The following BCAR1 variants were observed in gnomAD, a reference collection of about 807,000 sequenced individuals.
The protein encoded by BCAR1 is breast cancer anti-estrogen resistance protein 1.
A neutral mutation model predicts 67.6 loss-of-function variants in BCAR1; 30 were observed. The observed-to-expected ratio is 0.44, with a 90% confidence interval of 0.33 to 0.60. BCAR1 has a LOEUF of 0.60. Ranked by LOEUF, BCAR1 falls within the 20% of genes least tolerant of loss-of-function variation. BCAR1 has a pLI of 0.02. For missense variants in BCAR1, 1,313 were observed against 1,222.3 expected (o/e 1.07, Z -1.11); for synonymous variants, 626 against 556.7 (o/e 1.12, Z -1.75).
chr16:75,233,731 G>T, intron 6 of BCAR1, 115 bp downstream of exon 6: 1 of 1,074,162 alleles, frequency 9.3e-7, no homozygotes, highest in Non-Finnish European at 1.3e-6. Flanking sequence ...CCAGCTCTGA[G>T]CACTGTCAGA....
intron 1 of BCAR1, chr16:75,263,415 C>T (rs1009164716): frequency 4.1e-6 from 4 of 985,410 alleles, no homozygotes; most frequent in Non-Finnish European, 4.8e-6. Context: ...ATGGGAATAC[C>T]CACAGGGTGT....
chr16:75,253,814 C>A (rs2077725818), upstream of BCAR1, among the ~76,000 whole-genome samples: 1 of 152,166 alleles, frequency 6.6e-6, no homozygotes, highest in South Asian at 2.1e-4. Flanking sequence ...CACCCCACCC[C>A]CAGTCCAGCC....
chr16:75,261,147 C>T (rs2077900889), intron 1 of BCAR1, among the ~76,000 whole-genome samples: 1 of 152,216 alleles, frequency 6.6e-6, no homozygotes, highest in Admixed American at 6.5e-5. Flanking sequence ...GTCCCCAGAA[C>T]TCTTTTTCCT....
At chr16:75,255,809 T>C (rs551775304), upstream of BCAR1, among the ~76,000 whole-genome samples, 5 of 151,756 alleles carry the variant, frequency 3.3e-5, no homozygotes, top group South Asian at 8.3e-4. Context: ...CTGACCAACA[T>C]GGTGAAACCC....
rs773594754 is a variant in BCAR1, at chr16:75,235,483, G to A, written c.1416C>T (p.Ala472=). Reference sequence around the variant, plus strand: ...CCAGGTCCAGAAGGTGGGCAACGGTGGCGCTCACACCCTGCTGCAGCCGTG... The same window carrying A: ...CCAGGTCCAGAAGGTGGGCAACGGTAGCGCTCACACCCTGCTGCAGCCGTG... ...ALARLQQGVS[A]TVAHLLDLAG... is the part of the protein sequence containing the mutation. The change falls in exon 5 of 7, where the codon GCC becomes GCT. Residue 472 remains alanine (A), a synonymous_variant. Coordinates refer to ENST00000162330, the MANE Select transcript of BCAR1 (RefSeq NM_014567.5). 9 of 1,603,286 alleles carry A rather than the reference G, an allele frequency of 5.6e-6. No homozygotes were observed. In the Admixed American group the frequency reaches 1.4e-4, roughly 24 times the overall value.
At chr16:75,263,000 A>G (rs1036871917) in intron 1 of BCAR1, among the ~76,000 whole-genome samples, 2 of 152,194 alleles carry the variant, frequency 1.3e-5, no homozygotes, top group African/African-American at 2.4e-5. Context: ...GGATCCTGCC[A>G]TATCTGGCTC....
At chr16:75,257,282 C>T (rs2077800341) in intron 1 of BCAR1, among the ~76,000 whole-genome samples, 1 of 152,134 alleles carries the variant, frequency 6.6e-6, no homozygotes, top group South Asian at 2.1e-4. Context: ...CACTCCCGGC[C>T]GCTTTCATAG....
rs942385191 is a variant in BCAR1 at position 75,260,030 on chromosome 16, C to T, written c.66+7885G>A. Among the ~76,000 whole-genome samples, 12 of 151,776 alleles carry T rather than the reference C, an allele frequency of 7.9e-5. No individual in the cohort carries two copies. In the East Asian group the frequency reaches 1.8e-3, roughly 22 times the overall value. ...CCAACATGGTGAAACCCTGTCTCTACTAAAAGTACAAAAATTAGCTGGGAA... is the reference window on the plus strand; with the variant it reads ...CCAACATGGTGAAACCCTGTCTCTATTAAAAGTACAAAAATTAGCTGGGAA... On this transcript the variant is annotated intron_variant, in intron 1 of 6. Transcript: ENST00000393422.
At chr16:75,263,717 GA>G in intron 1 of BCAR1, 1 of 985,566 alleles carries the variant, frequency 1.0e-6, no homozygotes, top group Non-Finnish European at 1.2e-6. Flanking sequence ...GCCCATCTAG[GA>G]AAAGACTGCC....
At chr16:75,252,538 C>CATGGGATGCCACGAGGCAG, upstream of BCAR1, 22 of 889,548 alleles carry the variant, frequency 2.5e-5, no homozygotes, top group Non-Finnish European at 3.4e-5. Flanking sequence ...GTGCCAGAGC[C>CATGGGATGCCACGAGGCAG]CCTGGGCCAG....
At position 75,237,203 on chromosome 16, in the gene BCAR1, G is replaced by A. The variant is rs1485089623; in HGVS notation, c.775C>T (p.Pro259Ser). ...YDVPPVRGLLPSQYGQEVYDT... is the reference protein window; with the variant it reads ...YDVPPVRGLLSSQYGQEVYDT... ...CCTACCTCCTGGCCATACTGGCTGG[G>A]AAGCAGCCCCCGAACCGGGGGCACA... is the stretch of plus-strand genomic sequence containing the variant. The change falls in exon 3 of 7, where the codon CCC (proline) becomes TCC (serine). Residue 259 changes from proline to serine, a missense_variant. Around this residue, in one of 2 missense-constraint regions of BCAR1, gnomAD observed 1,272 missense variants for 1,137.5 expected, o/e 1.12. Coordinates refer to ENST00000162330, the MANE Select transcript of BCAR1 (RefSeq NM_014567.5). 3 of 1,572,528 alleles carry A rather than the reference G, an allele frequency of 1.9e-6. No homozygotes were observed. The highest frequency in any genetic ancestry group is 4.7e-5 in the East Asian group (2 of 42,344).
intron 4 of BCAR1, 39 bp downstream of exon 4, chr16:75,236,843 C>A (rs1307491707): frequency 1.2e-6 from 2 of 1,602,424 alleles, no homozygotes; most frequent in Non-Finnish European, 1.7e-6. Context: ...CACCCCACAG[C>A]CTCAGCCTGG....
chr16:75,252,743 A>T (rs2077705804), upstream of BCAR1, among the ~76,000 whole-genome samples: 1 of 152,232 alleles, frequency 6.6e-6, no homozygotes, highest in South Asian at 2.1e-4. Flanking sequence ...GGAAGACACA[A>T]GCCCAGGTGG....
chr16:75,256,610 TGGAA>T (rs1164516050), upstream of BCAR1, among the ~76,000 whole-genome samples: 21 of 152,126 alleles, frequency 1.4e-4, no homozygotes, highest in African/African-American at 4.8e-4. Flanking sequence ...GAAACAGGAC[TGGAA>T]GAGGCAGCAC....
intron 1 of BCAR1, chr16:75,264,772 T>C (rs2077968998): frequency 2.9e-6 from 2 of 687,990 alleles, no homozygotes; most frequent in Admixed American, 4.7e-5. Context: ...ACGGAAAGGA[T>C]GGGGTCCTCC....
Position 75,237,246 on chromosome 16 carries a change from C to A in BCAR1, c.732G>T (p.Gly244=). 6.5e-7 allele frequency: 1 copy of A among 1,535,316 alleles called. No individual in the cohort carries two copies. The highest frequency in any genetic ancestry group is 8.7e-7 in the Non-Finnish European group (1 of 1,146,064). The change falls in exon 3 of 7, where the codon GGG becomes GGT. Residue 244 remains glycine (G), a synonymous_variant. Coordinates refer to ENST00000162330, the MANE Select transcript of BCAR1 (RefSeq NM_014567.5). ...YDIPRHLLAP[G]PQDIYDVPPV... is the part of the protein sequence containing the mutation. Reference sequence around the variant, plus strand: ...GGGGCACATCATAGATGTCCTGTGGCCCCGGGGCCAGCAGGTGTCGCGGGA... The same window carrying A: ...GGGGCACATCATAGATGTCCTGTGGACCCGGGGCCAGCAGGTGTCGCGGGA...
chr16:75,265,943 G>A, intron 1 of BCAR1: 3 of 1,084,334 alleles, frequency 2.8e-6, no homozygotes, highest in South Asian at 4.4e-5. Context: ...GCGCTTTCCG[G>A]CTCCTCCGGC....
chr16:75,257,458 G>T (rs2077805113), intron 1 of BCAR1, among the ~76,000 whole-genome samples: 1 of 152,022 alleles, frequency 6.6e-6, no homozygotes, highest in Non-Finnish European at 1.5e-5. Flanking sequence ...GGAAAGCAAT[G>T]CTTTTTTTTC....
At chr16:75,233,751 A>C in intron 6 of BCAR1, 95 bp downstream of exon 6, 1 of 1,298,664 alleles carries the variant, frequency 7.7e-7, no homozygotes, top group Non-Finnish European at 1.1e-6. Context: ...ACAACATGAG[A>C]AGCTGGGGAC....
Sources: gnomAD v4.1 joint callset for allele counts (sites outside exome capture counted in the v4.1 genomes callset) on GRCh38, gnomAD v4.1.1 for gene constraint, gnomAD v4.1.1 regional missense constraint, MANE v1.5 for transcripts, NCBI Gene and HGNC (gene_info 2026-07-23, HGNC 2026-07-21) for gene names.